The following ERLEC1 variants were observed in gnomAD, a reference collection of about 807,000 sequenced individuals.
ERLEC1 encodes the protein ER lectin.
In ERLEC1, 47 loss-of-function variants were observed where a neutral mutation model predicts 68.0. The observed-to-expected ratio is 0.69, with a 90% CI of 0.55 to 0.88. The LOEUF is 0.88. ERLEC1 is among the 40% of genes least tolerant of loss of function. The pLI, the probability that ERLEC1 is intolerant of heterozygous loss-of-function variation, is 0.00. For synonymous variants in ERLEC1, 225 were observed against 203.2 expected (o/e 1.11, Z -0.91); for missense variants, 567 against 583.8 (o/e 0.97, Z 0.30).
At chr2:53,790,139 G>A (rs1311465571) in intron 1 of ERLEC1, among the ~76,000 whole-genome samples, 1 of 151,806 alleles carries the variant, frequency 6.6e-6, no homozygotes, top group African/African-American at 2.4e-5. Context: ...TGTCACCCAG[G>A]CTAGAGTACA....
At chr2:53,812,919 G>A (rs201767927) in intron 10 of ERLEC1, 30 bp from the exon 11 acceptor site, 41 of 1,597,736 alleles carry the variant, frequency 2.6e-5, no homozygotes, top group Non-Finnish European at 3.1e-5. Flanking sequence ...TATCAAGCAC[G>A]CATTATCACA....
intron 10 of ERLEC1, among the ~76,000 whole-genome samples, chr2:53,811,810 C>A (rs1349701594): frequency 6.6e-6 from 1 of 152,190 alleles, no homozygotes. Flanking sequence ...TATCCAGGAA[C>A]TTAATCTAGT....
chr2:53,789,876 G>A (rs532966999), intron 1 of ERLEC1, among the ~76,000 whole-genome samples: 8 of 151,796 alleles, frequency 5.3e-5, no homozygotes, highest in African/African-American at 9.7e-5. Flanking sequence ...AAAATTAGCC[G>A]GGCATGGTGG....
chr2:53,808,604 C>T (rs1676426297), intron 9 of ERLEC1, 144 bp downstream of exon 9: 3 of 741,530 alleles, frequency 4.0e-6, no homozygotes, highest in Admixed American at 3.0e-5. Flanking sequence ...TTTCTTTTTG[C>T]AGTCTCATAC....
chr2:53,798,146 G>C (rs1404344847), intron 5 of ERLEC1, among the ~76,000 whole-genome samples: 1 of 152,158 alleles, frequency 6.6e-6, no homozygotes, highest in Non-Finnish European at 1.5e-5. Flanking sequence ...AGTGAGCCGA[G>C]ATGGCACCAC....
chr2:53,787,438 C>T (rs1210481603), intron 1 of ERLEC1, 66 bp downstream of exon 1: 22 of 1,516,246 alleles, frequency 1.5e-5, no homozygotes, highest in Non-Finnish European at 1.9e-5. Context: ...CCTCTTCCCT[C>T]GGTTTTCTTT....
chr2:53,814,815 AC>A, intron 12 of ERLEC1, 44 bp from the exon 13 acceptor site: 1 of 1,410,010 alleles, frequency 7.1e-7, no homozygotes, highest in Non-Finnish European at 1.0e-6. Flanking sequence ...CAGTGATCTT[AC>A]TTTAAATGAT....
chr2:53,808,266 T>C, intron 8 of ERLEC1, 33 bp from the exon 9 acceptor site: 1 of 1,576,472 alleles, frequency 6.3e-7, no homozygotes, highest in South Asian at 1.2e-5. Context: ...AAGTTTGGCA[T>C]GGAAACCCTT....
intron 10 of ERLEC1, among the ~76,000 whole-genome samples, chr2:53,810,269 A>C (rs372365300): frequency 6.6e-6 from 1 of 152,218 alleles, no homozygotes; most frequent in African/African-American, 2.4e-5. Context: ...CAGGAGTTCA[A>C]GAGCAGCCTG....
At chr2:53,790,367 G>A (rs1486832156) in intron 1 of ERLEC1, among the ~76,000 whole-genome samples, 2 of 152,010 alleles carry the variant, frequency 1.3e-5, no homozygotes, top group East Asian at 3.9e-4. Flanking sequence ...CAAAGTGCTG[G>A]GATTACAGGC....
intron 1 of ERLEC1, among the ~76,000 whole-genome samples, chr2:53,790,015 CAAAA>C (rs751868369): frequency 5.8e-5 from 5 of 85,966 alleles, no homozygotes; most frequent in African/African-American, 8.9e-5. Flanking sequence ...GAGTCTGTCT[CAAAA>C]AAAAAAAAAA....
At chr2:53,797,693 A>C (rs774977883) in intron 4 of ERLEC1, 39 bp from the exon 5 acceptor site, 1 of 1,581,434 alleles carries the variant, frequency 6.3e-7, no homozygotes, top group South Asian at 1.1e-5. Flanking sequence ...ATGTCTTTGC[A>C]AAATACTTAG....
intron 1 of ERLEC1, among the ~76,000 whole-genome samples, chr2:53,792,035 C>T (rs1047936528): frequency 1.5e-4 from 23 of 152,104 alleles, no homozygotes; most frequent in Admixed American, 1.2e-3. Context: ...CCTCAGCCTC[C>T]CGAGTAGCTG....
chr2:53,793,991 C>T (rs1675551127), intron 1 of ERLEC1, among the ~76,000 whole-genome samples: 2 of 152,098 alleles, frequency 1.3e-5, no homozygotes, highest in South Asian at 4.1e-4. Context: ...GTGTTGAATA[C>T]ACACTCAAAG....
In ERLEC1 at chr2:53,787,318, A is replaced by C. The variant is rs200548732; in HGVS notation, c.108A>C (p.Gln36His). The part of the protein sequence containing the change: ...EASGGGRALP[Q>H]LSDDIPFRVN... Reference sequence around the variant, plus strand: ...CCGGCGGCGGCCGAGCCCTTCCTCAACTCAGCGATGACATCCCTTTCCGAG... The same window carrying C: ...CCGGCGGCGGCCGAGCCCTTCCTCACCTCAGCGATGACATCCCTTTCCGAG... The change falls in exon 1 of 14, where the codon CAA becomes CAC. Residue 36 changes from glutamine to histidine, a missense_variant. Transcript: ENST00000185150. 2 of 1,611,164 alleles carry C rather than the reference A, an allele frequency of 1.2e-6. No homozygotes were observed. Among genetic ancestry groups the C allele is most frequent in the Non-Finnish European group, 1.7e-6 (2 of 1,179,812 alleles).
chr2:53,789,070 C>T, intron 1 of ERLEC1, among the ~76,000 whole-genome samples: 1 of 151,984 alleles, frequency 6.6e-6, no homozygotes, highest in Admixed American at 6.6e-5. Context: ...GCTACACCAA[C>T]TTTTCACGTA....
At chr2:53,801,266 A>G in intron 6 of ERLEC1, 131 bp from the exon 7 acceptor site, 1 of 610,070 alleles carries the variant, frequency 1.6e-6, no homozygotes, top group Non-Finnish European at 2.8e-6. Context: ...AACTTAAAAT[A>G]TAGAAGTGTT....
chr2:53,802,800 C>T (rs778239192), intron 8 of ERLEC1, among the ~76,000 whole-genome samples: 11 of 152,144 alleles, frequency 7.2e-5, no homozygotes, highest in Admixed American at 7.2e-4. Context: ...GGCATGATCT[C>T]GGCTTACTGC....
At chr2:53,791,163 C>T (rs1401825434) in intron 1 of ERLEC1, among the ~76,000 whole-genome samples, 3 of 152,206 alleles carry the variant, frequency 2.0e-5, no homozygotes, top group African/African-American at 7.2e-5. Context: ...TCCAGACCCA[C>T]GTCAAACATT....
Sources: allele counts gnomAD v4.1 joint callset (sites outside exome capture counted in the v4.1 genomes callset), GRCh38; gene constraint gnomAD v4.1.1; transcripts MANE v1.5; gene names NCBI Gene and HGNC (gene_info 2026-07-23, HGNC 2026-07-21).